Variants in RHBDD1 observed in about 807,000 individuals in gnomAD.
The protein encoded by RHBDD1 is rhomboid domain containing 1.
Under a neutral mutation model 36.3 loss-of-function variants are expected in RHBDD1, and 38 were observed. The ratio of observed to expected loss-of-function variants is 1.05; its 90% CI spans 0.81 to 1.37. The LOEUF is 1.37. RHBDD1 is among the 40% of genes most tolerant of loss of function. The probability of loss-of-function intolerance (pLI) is 0.00; values close to 1 mark genes in which losing one functional copy is unlikely to be tolerated. For synonymous variants in RHBDD1, 151 were observed against 136.5 expected (o/e 1.11, Z -0.74); for missense variants, 393 against 377.6 (o/e 1.04, Z -0.34).
At chr2:226,815,689 T>C in the RHBDD1 span, among the ~76,000 whole-genome samples, 6 of 152,194 alleles carry the variant, frequency 3.9e-5, no homozygotes, top group African/African-American at 1.2e-4. Context: ...GCTTAAGCTA[T>C]TTCTGATAAG....
the RHBDD1 span, among the ~76,000 whole-genome samples, chr2:226,815,049 A>G: frequency 5.9e-5 from 9 of 152,204 alleles, no homozygotes; most frequent in Non-Finnish European, 8.8e-5. Flanking sequence ...AGCTGCCTGC[A>G]ATCTGGCCAC....
intron 8 of RHBDD1, among the ~76,000 whole-genome samples, chr2:226,952,799 A>G (rs1050909907): frequency 6.6e-6 from 1 of 152,118 alleles, no homozygotes; most frequent in Non-Finnish European, 1.5e-5. Flanking sequence ...CAAATGGAAG[A>G]AAGAGAGACA....
In RHBDD1 at chr2:226,996,512, T is replaced by C. The variant is rs1014202966; in HGVS notation, c.*990T>C. On this transcript the variant is annotated 3_prime_UTR_variant, in exon 9 of 9. Coordinates refer to ENST00000392062, the MANE Select transcript of RHBDD1 (RefSeq NM_001167608.3). The stretch of plus-strand genomic sequence containing the variant: ...TTTCCTGGTGCTTGTGTTCCATGAA[T>C]AAAAGGACAAAGTCAGAAGATCACT... 6.6e-6 allele frequency: 1 copy of C among 152,200 alleles called. No homozygotes were observed. Among genetic ancestry groups the C allele is most frequent in the Non-Finnish European group, 1.5e-5 (1 of 68,034 alleles). The allele number at this position is 152,200 out of a possible 1,614,324, so 9.4% of individuals were successfully genotyped here.
At chr2:226,899,940 C>G (rs1377362249) in intron 5 of RHBDD1, among the ~76,000 whole-genome samples, 1 of 152,196 alleles carries the variant, frequency 6.6e-6, no homozygotes, top group Non-Finnish European at 1.5e-5. Context: ...ATGGCTTCCT[C>G]TGTGCCGCCA....
intron 8 of RHBDD1, among the ~76,000 whole-genome samples, chr2:226,945,145 GATTATTATTATT>G (rs60027437): frequency 6.2e-5 from 9 of 144,818 alleles, no homozygotes; most frequent in African/African-American, 2.3e-4. Context: ...GATCAAATCT[GATTATTATTATT>G]ATTATTATTA....
intron 8 of RHBDD1, among the ~76,000 whole-genome samples, chr2:226,915,995 A>G (rs1159182767): frequency 6.6e-6 from 1 of 152,210 alleles, no homozygotes; most frequent in East Asian, 1.9e-4. Context: ...CTTCTTCTAC[A>G]TGCCTGCCTG....
chr2:226,850,701 T>TA (rs1942722519), intron 3 of RHBDD1, among the ~76,000 whole-genome samples: 2 of 152,212 alleles, frequency 1.3e-5, no homozygotes, highest in African/African-American at 2.4e-5. Context: ...GAGTGATTTT[T>TA]AAGAGGCTCT....
the RHBDD1 span, among the ~76,000 whole-genome samples, chr2:226,828,931 A>G: frequency 5.9e-5 from 9 of 151,592 alleles, no homozygotes; most frequent in African/African-American, 2.2e-4. Flanking sequence ...TCTTTTGTGG[A>G]TTGTACTTTT....
At chr2:226,847,749 C>T (rs1385621179) in intron 3 of RHBDD1, among the ~76,000 whole-genome samples, 2 of 152,246 alleles carry the variant, frequency 1.3e-5, no homozygotes, top group Non-Finnish European at 2.9e-5. Context: ...ATGACCTGAA[C>T]TGACCATGCA....
intron 8 of RHBDD1, among the ~76,000 whole-genome samples, chr2:226,980,117 C>CT: frequency 6.6e-6 from 1 of 152,274 alleles, no homozygotes; most frequent in African/African-American, 2.4e-5. Flanking sequence ...CACCACTTAC[C>CT]TTTCATTGCT....
chr2:226,906,322 G>A (rs959985618), intron 5 of RHBDD1, among the ~76,000 whole-genome samples: 1 of 152,150 alleles, frequency 6.6e-6, no homozygotes, highest in Non-Finnish European at 1.5e-5. Context: ...AGTTTCACTT[G>A]CTCTCTGCTT....
intron 8 of RHBDD1, among the ~76,000 whole-genome samples, chr2:226,961,635 A>G (rs1328007461): frequency 6.6e-6 from 1 of 152,156 alleles, no homozygotes; most frequent in Non-Finnish European, 1.5e-5. Flanking sequence ...CAAGGTGTGA[A>G]CCAAGCCCTA....
intron 8 of RHBDD1, among the ~76,000 whole-genome samples, chr2:226,917,203 C>A (rs1948971061): frequency 6.6e-6 from 1 of 151,838 alleles, no homozygotes; most frequent in African/African-American, 2.4e-5. Context: ...CACAGGCTAC[C>A]TTCAGAGATT....
intron 3 of RHBDD1, among the ~76,000 whole-genome samples, chr2:226,853,757 T>C (rs959573610): frequency 2.6e-5 from 4 of 152,246 alleles, no homozygotes; most frequent in African/African-American, 9.6e-5. Context: ...TCCATGTGAC[T>C]GCCCATCTGT....
chr2:226,859,665 C>T (rs2125167980), intron 3 of RHBDD1, among the ~76,000 whole-genome samples: 1 of 152,260 alleles, frequency 6.6e-6, no homozygotes, highest in South Asian at 2.1e-4. Flanking sequence ...AATCCTGGAG[C>T]TACTGATTTG....
At chr2:226,868,144 G>A (rs985079162) in intron 5 of RHBDD1, among the ~76,000 whole-genome samples, 2 of 152,186 alleles carry the variant, frequency 1.3e-5, no homozygotes, top group Non-Finnish European at 2.9e-5. Flanking sequence ...TTGAGAAGTG[G>A]AATGGGGCCC....
chr2:226,923,859 C>T (rs552946688), intron 8 of RHBDD1, among the ~76,000 whole-genome samples: 1 of 152,142 alleles, frequency 6.6e-6, no homozygotes. Context: ...TTATTTCAAT[C>T]TCTTTGCCAA....
Position 226,836,878 on chromosome 2 carries a change from C to T in RHBDD1, c.-392+791C>T, listed in dbSNP as rs1205757172. The stretch of plus-strand genomic sequence containing the variant: ...TTAAAGGCTTCTGGTTTGCTGCAGG[C>T]CTGCCGTCGCTGTGGAAAGCAAGTA... On this transcript the variant is annotated intron_variant, in intron 1 of 8. Coordinates refer to ENST00000392062, the MANE Select transcript of RHBDD1 (RefSeq NM_001167608.3). Among the ~76,000 whole-genome samples, 3 of 152,158 alleles carry T rather than the reference C, an allele frequency of 2.0e-5. No individual in the cohort carries two copies. In the East Asian group the frequency reaches 5.8e-4, roughly 29 times the overall value.
chr2:226,927,636 T>A lies in RHBDD1; in HGVS notation c.856+13285T>A, dbSNP rs1410370599. ...AGTTGCTCTCGGTTCTCCCAGCATTTGGTATTTTCAGTTGTTTTTATCTTA... is the reference window on the plus strand; with the variant it reads ...AGTTGCTCTCGGTTCTCCCAGCATTAGGTATTTTCAGTTGTTTTTATCTTA... On this transcript the variant is annotated intron_variant, in intron 8 of 8. Transcript: ENST00000392062. 1.3e-4 allele frequency among the ~76,000 whole-genome samples: 20 copies of A among 152,098 alleles called. 1 individual carries two copies. Among genetic ancestry groups the A allele is most frequent in the Admixed American group, 1.3e-3 (20 of 15,248 alleles).
Sources: gnomAD v4.1 joint callset for allele counts (sites outside exome capture counted in the v4.1 genomes callset) on GRCh38, gnomAD v4.1.1 for gene constraint, MANE v1.5 for transcripts, NCBI Gene and HGNC (gene_info 2026-07-23, HGNC 2026-07-21) for gene names.